NLRC5: variants seen among roughly 807,000 people sequenced by gnomAD.
NLRC5 encodes the protein protein NLRC5.
NLRC5 carries 114 observed loss-of-function variants against 206.9 expected under a neutral mutation model. The ratio of observed to expected loss-of-function variants is 0.55; its 90% CI spans 0.47 to 0.64. The LOEUF (loss-of-function observed/expected upper bound fraction) is 0.64, where lower values mean the gene tolerates loss of function less well. Among genes scored for constraint, NLRC5 ranks in the 30% least tolerant of loss-of-function variants. NLRC5 has a pLI of 0.00. For synonymous variants in NLRC5, 952 were observed against 962.8 expected, an observed-to-expected ratio of 0.99 and a Z score of 0.21; for missense variants, 2,008 against 2,305.5, an observed-to-expected ratio of 0.87 and a Z score of 2.64.
chr16:57,057,254 C>T (rs2065794845), intron 27 of NLRC5, among the ~76,000 whole-genome samples: 1 of 152,112 alleles, frequency 6.6e-6, no homozygotes, highest in Non-Finnish European at 1.5e-5. Context: ...AAACCCGTCT[C>T]TACTAAAAAT....
chr16:57,070,504 C>A, intron 37 of NLRC5, 31 bp from the exon 38 acceptor site: 1 of 1,604,230 alleles, frequency 6.2e-7, no homozygotes, highest in Non-Finnish European at 8.5e-7. Flanking sequence ...GCAGGCTGCG[C>A]TAACCCTTGC....
intron 38 of NLRC5, among the ~76,000 whole-genome samples, chr16:57,070,820 T>G (rs1186013): frequency 3.0e-4 from 27 of 89,440 alleles, no homozygotes; most frequent in African/African-American, 7.0e-4. Context: ...TAATGGGGAA[T>G]GGGGTGAGTG....
At chr16:57,029,749 G>A in intron 8 of NLRC5, 24 bp from the exon 9 acceptor site, 1 of 1,610,694 alleles carries the variant, frequency 6.2e-7, no homozygotes, top group Non-Finnish European at 8.5e-7. Context: ...AGGGCAAAGG[G>A]ACTGGGCCTT....
intron 1 of NLRC5, among the ~76,000 whole-genome samples, chr16:56,998,410 T>G (rs981789255): frequency 1.6e-4 from 24 of 152,092 alleles, no homozygotes; most frequent in Non-Finnish European, 2.6e-4. Flanking sequence ...ATAATAAAAA[T>G]AATTCTTATA....
At chr16:56,999,978 C>T (rs934484074) in intron 1 of NLRC5, among the ~76,000 whole-genome samples, 65 of 152,138 alleles carry the variant, frequency 4.3e-4, no homozygotes, top group African/African-American at 1.5e-3. Context: ...CTGCGTTCTA[C>T]CTCCTGGGAT....
intron 30 of NLRC5, among the ~76,000 whole-genome samples, chr16:57,060,056 T>C (rs370033856): frequency 6.0e-5 from 8 of 132,410 alleles, no homozygotes; most frequent in East Asian, 4.3e-4. Flanking sequence ...TTATTATTAT[T>C]ATCATTATCA....
intron 1 of NLRC5, among the ~76,000 whole-genome samples, chr16:57,014,927 C>CTTTTT (rs11413193): frequency 6.8e-6 from 1 of 146,518 alleles, no homozygotes. Context: ...TTCCTTTTTC[C>CTTTTT]TTTTTTTTTT....
chr16:57,066,730 C>T (rs2144800531), intron 34 of NLRC5, 116 bp downstream of exon 34: 9 of 938,358 alleles, frequency 9.6e-6, no homozygotes, highest in Non-Finnish European at 1.5e-5. Context: ...GAAGTCTTTA[C>T]ACAGGCTACA....
At chr16:57,001,829 A>G (rs1412311333) in intron 1 of NLRC5, among the ~76,000 whole-genome samples, 2 of 152,162 alleles carry the variant, frequency 1.3e-5, no homozygotes, top group African/African-American at 4.8e-5. Context: ...GTGCTATTGA[A>G]TACTAGGTTT....
chr16:57,061,527 C>T lies in NLRC5; in HGVS notation c.4066C>T (p.Leu1356Phe), dbSNP rs1402897810. The T allele has an allele frequency of 6.2e-6, 10 of 1,609,860 alleles. No individual in the cohort carries two copies. The highest frequency in any genetic ancestry group is 2.5e-6 in the Non-Finnish European group (3 of 1,180,008). Residue 1356 changes from leucine (L) to phenylalanine (F), a missense_variant, in exon 31 of 49, where the codon CTC becomes TTC. Physicochemically the swap from Leu to Phe is conservative, Grantham distance 22. Coordinates refer to ENST00000688547, the MANE Select transcript of NLRC5 (RefSeq NM_001384950.1). Reference protein sequence around the residue: ...GLSKSLQLTELTLTQCCLGQK... With the variant: ...GLSKSLQLTEFTLTQCCLGQK... ...GAGCAAGTCCCTGCAGCTGACGGAGCTCACGTGAGTGACCCACCCAGCCCG... is the reference window on the plus strand; with the variant it reads ...GAGCAAGTCCCTGCAGCTGACGGAGTTCACGTGAGTGACCCACCCAGCCCG...
Position 57,058,957 on chromosome 16 carries a change from C to G in NLRC5, c.3831-15C>G, listed in dbSNP as rs748819643. The G allele has an allele frequency of 1.2e-6, 2 of 1,612,600 alleles. No individual in the cohort carries two copies. The highest frequency in any genetic ancestry group is 1.7e-6 in the Non-Finnish European group (2 of 1,178,600). On this transcript the variant is annotated splice_polypyrimidine_tract_variant and intron_variant, in intron 28 of 48. Transcript: ENST00000688547. ...CCTGCCCTCACTCCCATTCTCATCT[C>G]CATTTCCCTTCTAGTCTGAGTCACA...
rs781533628 is a variant in NLRC5 at position 57,079,561 on chromosome 16, G to A, written c.5253G>A (p.Lys1751=). Residue 1751 remains lysine, a synonymous_variant, in exon 46 of 49, where the codon AAG becomes AAA. Coordinates refer to ENST00000688547, the MANE Select transcript of NLRC5 (RefSeq NM_001384950.1). ...LLRQIDLVSC[K]IDNQTAKLLT... ...CCATCCCCAGCCTGGTTTCCTGTAA[G>A]ATTGACAACCAGACTGCCAAGCTCC... The A allele has an allele frequency of 7.4e-6, 12 of 1,614,082 alleles. No homozygotes were observed. Among genetic ancestry groups the A allele is most frequent in the Non-Finnish European group, 1.0e-5 (12 of 1,179,978 alleles).
intron 15 of NLRC5, among the ~76,000 whole-genome samples, chr16:57,039,423 G>A (rs1198952625): frequency 6.6e-6 from 1 of 152,206 alleles, no homozygotes; most frequent in African/African-American, 2.4e-5. Context: ...TCCCGGGCCA[G>A]GGGTAAAAAG....
rs371351393 is a variant in NLRC5, at chr16:56,997,915, T to C, written c.-128+8298T>C. Among the ~76,000 whole-genome samples, 17 of 152,268 alleles carry C rather than the reference T, an allele frequency of 1.1e-4. No homozygotes were observed. The East Asian group carries it at 3.1e-3, about 28-fold the overall frequency. On this transcript the variant is annotated intron_variant, in intron 1 of 48. Coordinates refer to ENST00000688547, the MANE Select transcript of NLRC5 (RefSeq NM_001384950.1). ...CTTTTAACAGCTCCACAATTCCCTG[T>C]GAGATGGGCTGCATACAAAGCATTA...
At chr16:57,011,939 T>C (rs1339906334) in intron 1 of NLRC5, among the ~76,000 whole-genome samples, 2 of 152,250 alleles carry the variant, frequency 1.3e-5, no homozygotes, top group East Asian at 3.8e-4. Context: ...ATTTTAGGTG[T>C]AGGATTCAGT....
At chr16:57,053,110 T>C (rs1301565737) in intron 24 of NLRC5, 1 of 152,092 alleles carries the variant, frequency 6.6e-6, no homozygotes, top group Non-Finnish European at 1.5e-5. Flanking sequence ...GAAAAATAAG[T>C]AAAGTAAAAT....
At chr16:57,014,831 G>A (rs964870559) in intron 1 of NLRC5, among the ~76,000 whole-genome samples, 3 of 152,202 alleles carry the variant, frequency 2.0e-5, no homozygotes, top group Non-Finnish European at 2.9e-5. Flanking sequence ...TGGAGAGGAT[G>A]CGCTTCCTGG....
At chr16:57,051,679 T>C (rs2064928161) in intron 24 of NLRC5, 58 bp downstream of exon 24, 1 of 1,410,470 alleles carries the variant, frequency 7.1e-7, no homozygotes, top group Non-Finnish European at 1.0e-6. Context: ...CTAAGGCTCC[T>C]CCATGGCAAA....
At position 57,029,752 on chromosome 16, in the gene NLRC5, T is replaced by G. The variant is rs763827564; in HGVS notation, c.2244-21T>G. The G allele has an allele frequency of 2.5e-6, 4 of 1,612,236 alleles. No homozygotes were observed. The South Asian group carries it at 3.3e-5, about 13-fold the overall frequency. The stretch of plus-strand genomic sequence containing the variant: ...TGCCCCAACCCCAGGGCAAAGGGAC[T>G]GGGCCTTGGTCTCCTCGCAGTTTTC... On this transcript the variant is annotated intron_variant, in intron 8 of 48. Coordinates refer to ENST00000688547, the MANE Select transcript of NLRC5 (RefSeq NM_001384950.1).
Sources: allele counts gnomAD v4.1 joint callset (sites outside exome capture counted in the v4.1 genomes callset), GRCh38; gene constraint gnomAD v4.1.1; transcripts MANE v1.5; gene names NCBI Gene and HGNC (gene_info 2026-07-23, HGNC 2026-07-21).